Variants in CPAMD8 observed in about 807,000 individuals in gnomAD.
CPAMD8 encodes the protein C3 and PZP like alpha-2-macroglobulin domain containing 8.
CPAMD8 carries 146 observed loss-of-function variants against 224.7 expected under a neutral mutation model. The ratio of observed to expected loss-of-function variants is 0.65; its 90% CI spans 0.57 to 0.75. The LOEUF is 0.75. CPAMD8 is among the 30% of genes least tolerant of loss of function. The pLI, the probability that CPAMD8 is intolerant of heterozygous loss-of-function variation, is 0.00. For missense variants in CPAMD8, 2,301 were observed against 2,537.5 expected (o/e 0.91, Z 2.00); for synonymous variants, 966 against 1,044.6 (o/e 0.92, Z 1.45).
At chr19:16,925,116 C>CT in intron 26 of CPAMD8, 80 bp downstream of exon 26, 1 of 1,485,768 alleles carries the variant, frequency 6.7e-7, no homozygotes, top group Non-Finnish European at 9.3e-7. Context: ...TGTGGGCCAC[C>CT]TCCAGCGTGG....
intron 35 of CPAMD8, among the ~76,000 whole-genome samples, chr19:16,902,427 G>A (rs1029157690): frequency 6.6e-6 from 1 of 152,110 alleles, no homozygotes; most frequent in Non-Finnish European, 1.5e-5. Flanking sequence ...TGAGACAGGA[G>A]AACCATTTGA....
At chr19:17,015,461 C>A (rs140408341) in intron 3 of CPAMD8, among the ~76,000 whole-genome samples, 1 of 152,006 alleles carries the variant, frequency 6.6e-6, no homozygotes, top group African/African-American at 2.4e-5. Flanking sequence ...TGCACTAGGA[C>A]CCCCGCTCTC....
intron 14 of CPAMD8, among the ~76,000 whole-genome samples, chr19:16,978,968 CCCAT>C (rs1319317298): frequency 6.6e-6 from 1 of 151,002 alleles, no homozygotes; most frequent in Non-Finnish European, 1.5e-5. Flanking sequence ...CATCCACCCA[CCCAT>C]CCACCATCCA....
intron 29 of CPAMD8, among the ~76,000 whole-genome samples, chr19:16,914,158 G>A (rs2052838176): frequency 6.6e-6 from 1 of 152,132 alleles, no homozygotes; most frequent in African/African-American, 2.4e-5. Flanking sequence ...GGACAGTCAT[G>A]GGAGGCTCTG....
At chr19:16,932,582 T>C (rs747230758) in intron 23 of CPAMD8, among the ~76,000 whole-genome samples, 18 of 152,034 alleles carry the variant, frequency 1.2e-4, no homozygotes, top group Admixed American at 1.0e-3. Context: ...GCTTCAATAA[T>C]AAACTAGATG....
Position 16,916,580 on chromosome 19 carries a change from T to TA in CPAMD8, c.3630-1768dup, listed in dbSNP as rs1030548835. 4.4e-3 allele frequency among the ~76,000 whole-genome samples: 654 copies of TA among 150,102 alleles called. 6 individuals carry two copies. The highest frequency in any genetic ancestry group is 0.014 in the African/African-American group (594 of 40,988). ...GGCGAAACCCCATCTCCACTAAAAA[T>TA]AAAAAAAAATTAGCCAGGCGTGGTG... On this transcript the variant is annotated intron_variant, in intron 27 of 41. Coordinates refer to ENST00000443236, the MANE Select transcript of CPAMD8 (RefSeq NM_015692.5).
intron 22 of CPAMD8, among the ~76,000 whole-genome samples, chr19:16,944,485 C>T (rs747083395): frequency 3.9e-5 from 6 of 152,160 alleles, no homozygotes; most frequent in African/African-American, 1.4e-4. Flanking sequence ...GAGGCAAGAA[C>T]GCCAGGCCTC....
At chr19:16,956,547 G>A (rs1055541497) in intron 19 of CPAMD8, among the ~76,000 whole-genome samples, 3 of 152,214 alleles carry the variant, frequency 2.0e-5, no homozygotes, top group East Asian at 1.9e-4. Flanking sequence ...AAAAACATCC[G>A]GGCCAGGAGC....
intron 26 of CPAMD8, among the ~76,000 whole-genome samples, chr19:16,922,915 GTT>G (rs2053229663): frequency 6.6e-6 from 1 of 152,238 alleles, no homozygotes; most frequent in Non-Finnish European, 1.5e-5. Flanking sequence ...CATTCATCTT[GTT>G]TACTGACATT....
chr19:16,896,260 G>C lies in CPAMD8; in HGVS notation c.5342C>G (p.Pro1781Arg), dbSNP rs371186391. The C allele has an allele frequency of 1.9e-4, 308 of 1,613,532 alleles. 2 individuals are homozygous for C. The East Asian group carries it at 6.3e-3, about 33-fold the overall frequency. Residue 1781 changes from proline (P) to arginine (R), a missense_variant, in exon 41 of 42, where the codon CCT becomes CGT. Physicochemically the swap from Pro to Arg is moderately radical, Grantham distance 103 (BLOSUM62 -2). Around this residue, in one of 4 missense-constraint regions of CPAMD8, gnomAD observed 1,709 missense variants for 1,753.2 expected, o/e 0.97. Coordinates refer to ENST00000443236, the MANE Select transcript of CPAMD8 (RefSeq NM_015692.5). ...ATTCAGCTTCACGTCCTGCTGTAAA[G>C]GCCCCGGGGCCACAGAAGCCAGGTC... ...GDDLASVAPGPLQQDVKLNGA... is the reference protein window; with the variant it reads ...GDDLASVAPGRLQQDVKLNGA...
chr19:16,993,724 G>A, intron 11 of CPAMD8, 138 bp from the exon 12 acceptor site: 1 of 790,068 alleles, frequency 1.3e-6, no homozygotes, highest in Non-Finnish European at 2.0e-6. Flanking sequence ...GAAATTCACA[G>A]GGCATCGCAA....
At chr19:16,964,928 C>G (rs906918199) in intron 18 of CPAMD8, among the ~76,000 whole-genome samples, 2 of 152,096 alleles carry the variant, frequency 1.3e-5, no homozygotes, top group Admixed American at 1.3e-4. Context: ...ATAGACAGAA[C>G]CATTGACAAA....
In CPAMD8 at chr19:16,893,275, T is replaced by C. The variant is rs1422435073; in HGVS notation, c.5491A>G (p.Ser1831Gly). The C allele has an allele frequency of 6.4e-7, 1 of 1,563,644 alleles. No homozygotes were observed. Among genetic ancestry groups the C allele is most frequent in the Admixed American group, 1.9e-5 (1 of 53,510 alleles). ...GTCTGGCCCCATCTGTGGAACGGGC[T>C]GGCGCTCTGGGTGCTGCTTTCCAGG... The part of the protein sequence containing the change: ...GNLESSTQSA[S>G]PFHRWGQTPA... Residue 1831 changes from serine to glycine, a missense_variant, in exon 42 of 42, where the codon AGC becomes GGC. Physicochemically the swap from Ser to Gly is moderately conservative, Grantham distance 56. Around this residue, in one of 4 missense-constraint regions of CPAMD8, gnomAD observed 1,709 missense variants for 1,753.2 expected, o/e 0.97. Transcript: ENST00000443236.
intron 20 of CPAMD8, among the ~76,000 whole-genome samples, chr19:16,950,725 C>A (rs113041764): frequency 0.046 from 6,365 of 139,462 alleles, 242 homozygotes; most frequent in African/African-American, 0.12. Context: ...CCCAGGAGGT[C>A]AAGGCTGCAG....
intron 10 of CPAMD8, 86 bp downstream of exon 10, chr19:17,000,328 A>C: frequency 1.5e-6 from 1 of 650,314 alleles, no homozygotes. Flanking sequence ...AAATAATAAC[A>C]ATAAGAGAAA....
intron 41 of CPAMD8, chr19:16,895,854 G>T (rs2051940685): frequency 1.9e-6 from 1 of 517,704 alleles, no homozygotes; most frequent in Non-Finnish European, 3.7e-6. Context: ...GGTCCCCCCA[G>T]CATTTCGGAT....
At chr19:16,988,184 G>C (rs143246857) in intron 13 of CPAMD8, among the ~76,000 whole-genome samples, 2,373 of 152,276 alleles carry the variant, frequency 0.016, 63 homozygotes, top group African/African-American at 0.051. Context: ...TGCACTAAGG[G>C]AAGGCTCAAG....
At chr19:16,953,774 A>G (rs568571125) in intron 19 of CPAMD8, among the ~76,000 whole-genome samples, 1 of 152,284 alleles carries the variant, frequency 6.6e-6, no homozygotes, top group South Asian at 2.1e-4. Flanking sequence ...AACTCCTGAA[A>G]CTCAATAACA....
At chr19:16,932,874 G>A (rs547632438) in intron 23 of CPAMD8, among the ~76,000 whole-genome samples, 1 of 152,246 alleles carries the variant, frequency 6.6e-6, no homozygotes, top group South Asian at 2.1e-4. Flanking sequence ...AATTCAAAAA[G>A]GTCTTCTCCA....
Sources: gnomAD v4.1 joint callset for allele counts (sites outside exome capture counted in the v4.1 genomes callset) on GRCh38, gnomAD v4.1.1 for gene constraint, gnomAD v4.1.1 regional missense constraint, MANE v1.5 for transcripts, NCBI Gene and HGNC (gene_info 2026-07-23, HGNC 2026-07-21) for gene names.